Variants in DOCK7 observed in about 807,000 individuals in gnomAD.
DOCK7 encodes the protein dedicator of cytokinesis 7, also known as dedicator of cytokinesis protein 7.
DOCK7 carries 138 observed loss-of-function variants against 271.0 expected under a neutral mutation model. The ratio of observed to expected loss-of-function variants is 0.51; its 90% CI spans 0.44 to 0.59. The LOEUF (loss-of-function observed/expected upper bound fraction) is 0.59, where lower values mean the gene tolerates loss of function less well. Ranked by LOEUF, DOCK7 falls within the 20% of genes least tolerant of loss-of-function variation. The pLI is 0.00. For synonymous variants in DOCK7, 823 were observed against 876.1 expected (o/e 0.94, Z 1.07); for missense variants, 2,066 against 2,592.4 (o/e 0.80, Z 4.41).
chr1:62,673,017 T>C (rs1270759260), intron 1 of DOCK7, among the ~76,000 whole-genome samples: 2 of 152,210 alleles, frequency 1.3e-5, no homozygotes, highest in East Asian at 3.8e-4. Flanking sequence ...ATCTGTTTCC[T>C]ATCCTTCATG....
intron 1 of DOCK7, among the ~76,000 whole-genome samples, chr1:62,682,541 G>C (rs1309553834): frequency 6.6e-6 from 1 of 152,084 alleles, no homozygotes; most frequent in Admixed American, 6.6e-5. Context: ...CATAAGAAAT[G>C]TAACTTTTTA....
At chr1:62,526,632 GGCA>G (rs1316818697) in intron 31 of DOCK7, among the ~76,000 whole-genome samples, 2 of 152,072 alleles carry the variant, frequency 1.3e-5, no homozygotes, top group Non-Finnish European at 2.9e-5. Context: ...AAATGTTCGT[GGCA>G]GCATTATTCT....
In DOCK7 at chr1:62,455,436, C is replaced by T. The variant is rs751519461; in HGVS notation, c.6401G>A (p.Ser2134Asn). 101 of 1,613,468 alleles carry T rather than the reference C, an allele frequency of 6.3e-5. No homozygotes were observed. The highest frequency in any genetic ancestry group is 8.4e-5 in the Non-Finnish European group (99 of 1,179,802). ...AGTTTAGAGATCCATTTTGCGAAGGCTCATTCGACTGAAGGAATCTCTGGG... is the reference window on the plus strand; with the variant it reads ...AGTTTAGAGATCCATTTTGCGAAGGTTCATTCGACTGAAGGAATCTCTGGG... ...TCHRDSFSRM[S>N]LRKMDL Residue 2134 changes from serine (S) to asparagine (N), a missense_variant, in exon 50 of 50, where the codon AGC (serine) becomes AAC (asparagine). Around this residue, in one of 2 missense-constraint regions of DOCK7, gnomAD observed 652 missense variants for 922.1 expected, o/e 0.71. Coordinates refer to ENST00000635253, the MANE Select transcript of DOCK7 (RefSeq NM_001367561.1).
intron 44 of DOCK7, among the ~76,000 whole-genome samples, chr1:62,477,366 A>G (rs1645997303): frequency 6.6e-6 from 1 of 152,178 alleles, no homozygotes; most frequent in African/African-American, 2.4e-5. Flanking sequence ...TTCTAGTTCA[A>G]TTATTAGCTA....
intron 14 of DOCK7, among the ~76,000 whole-genome samples, chr1:62,616,688 G>C: frequency 6.6e-6 from 1 of 151,728 alleles, no homozygotes; most frequent in East Asian, 1.9e-4. Context: ...CTATGAGACT[G>C]AATAAACTAA....
intron 48 of DOCK7, among the ~76,000 whole-genome samples, chr1:62,459,711 T>C: frequency 6.6e-6 from 1 of 152,054 alleles, no homozygotes; most frequent in East Asian, 1.9e-4. Context: ...TTGAAACAAC[T>C]GTCACAAATC....
intron 48 of DOCK7, among the ~76,000 whole-genome samples, chr1:62,466,935 CAAAA>C (rs879612213): frequency 6.7e-6 from 1 of 149,178 alleles, no homozygotes; most frequent in Non-Finnish European, 1.5e-5. Context: ...AAAACAAAAA[CAAAA>C]AAAAACAAAA....
chr1:62,534,219 C>T (rs979722369), intron 29 of DOCK7, among the ~76,000 whole-genome samples: 25 of 152,062 alleles, frequency 1.6e-4, no homozygotes, highest in Admixed American at 1.6e-3. Flanking sequence ...AGGCTGGTCT[C>T]GAACTCCTGA....
chr1:62,497,798 G>A (rs1646665136), intron 37 of DOCK7, among the ~76,000 whole-genome samples: 1 of 152,182 alleles, frequency 6.6e-6, no homozygotes, highest in Non-Finnish European at 1.5e-5. Context: ...TAAGGCAGCT[G>A]TCCAAAGTTT....
In DOCK7 at chr1:62,508,063, T is replaced by C. The variant is rs556402730; in HGVS notation, c.4380-5A>G. On this transcript the variant is annotated splice_region_variant and splice_polypyrimidine_tract_variant and intron_variant, in intron 34 of 49. Transcript: ENST00000635253. ...TGTTCAATCTCTGCTCTTGATCTAATACAAAATATTGTAAGAAATTATATT... is the reference window on the plus strand; with the variant it reads ...TGTTCAATCTCTGCTCTTGATCTAACACAAAATATTGTAAGAAATTATATT... The C allele has an allele frequency of 7.5e-6, 12 of 1,590,606 alleles. No homozygotes were observed. Among genetic ancestry groups the C allele is most frequent in the Admixed American group, 3.7e-5 (2 of 53,348 alleles).
intron 14 of DOCK7, among the ~76,000 whole-genome samples, chr1:62,587,272 A>C (rs1418478166): frequency 6.6e-6 from 1 of 151,230 alleles, no homozygotes; most frequent in East Asian, 1.9e-4. Context: ...CAGAAGAGAA[A>C]TAATTCAAGA....
At chr1:62,501,677 T>A (rs921969910) in intron 37 of DOCK7, among the ~76,000 whole-genome samples, 4 of 152,036 alleles carry the variant, frequency 2.6e-5, no homozygotes, top group African/African-American at 9.7e-5. Context: ...TCTAATTACA[T>A]CCCTATGATA....
intron 14 of DOCK7, among the ~76,000 whole-genome samples, chr1:62,606,966 G>A (rs1407959059): frequency 6.6e-6 from 1 of 152,130 alleles, no homozygotes; most frequent in Non-Finnish European, 1.5e-5. Flanking sequence ...CCAGGACTTT[G>A]GGAGGCTGAG....
chr1:62,676,246 T>C (rs1181806010), intron 1 of DOCK7, among the ~76,000 whole-genome samples: 1 of 152,190 alleles, frequency 6.6e-6, no homozygotes, highest in African/African-American at 2.4e-5. Context: ...CATAAAAACA[T>C]TATGCTAAAT....
rs777885530 is a variant in DOCK7, at chr1:62,633,588, G to A, written c.1036-10C>T. The A allele has an allele frequency of 1.9e-6, 3 of 1,601,392 alleles. No individual in the cohort carries two copies. Among genetic ancestry groups the A allele is most frequent in the Non-Finnish European group, 2.6e-6 (3 of 1,171,872 alleles). On this transcript the variant is annotated splice_polypyrimidine_tract_variant and intron_variant, in intron 9 of 49. Coordinates refer to ENST00000635253, the MANE Select transcript of DOCK7 (RefSeq NM_001367561.1). ...GTAGGACTTTTTCTAGCTGTCAAAG[G>A]CAAAAAAAGTTAAGATTAAGCTTTT...
At chr1:62,466,314 TA>T (rs1191145619) in intron 48 of DOCK7, among the ~76,000 whole-genome samples, 1 of 152,000 alleles carries the variant, frequency 6.6e-6, no homozygotes, top group African/African-American at 2.4e-5. Context: ...CACCAGGATT[TA>T]AGGCAAAAAG....
chr1:62,459,244 C>CT (rs35036803), intron 48 of DOCK7: 1,763 of 137,402 alleles, frequency 0.013, 12 homozygotes, highest in South Asian at 0.02. Flanking sequence ...ATATAATGTA[C>CT]TTTTTTTTTT....
intron 18 of DOCK7, among the ~76,000 whole-genome samples, chr1:62,574,554 A>G (rs1406007032): frequency 6.6e-6 from 1 of 152,202 alleles, no homozygotes; most frequent in African/African-American, 2.4e-5. Context: ...AGTGCCAGAC[A>G]TTGAGGCAGC....
At chr1:62,541,016 G>A (rs1645511640) in intron 25 of DOCK7, among the ~76,000 whole-genome samples, 1 of 152,114 alleles carries the variant, frequency 6.6e-6, no homozygotes, top group Admixed American at 6.6e-5. Flanking sequence ...CATAATATAG[G>A]TAACATTCAA....
Sources: allele counts gnomAD v4.1 joint callset (sites outside exome capture counted in the v4.1 genomes callset), GRCh38; gene constraint gnomAD v4.1.1; regional missense constraint gnomAD v4.1.1; transcripts MANE v1.5; gene names NCBI Gene and HGNC (gene_info 2026-07-23, HGNC 2026-07-21).